Variants in GAREM1 observed in about 807,000 individuals in gnomAD.
GAREM1 encodes GRB2 associated regulator of MAPK1 subtype 1, also known as GRB2-associated and regulator of MAPK protein 1.
GAREM1 carries 26 observed loss-of-function variants against 71.3 expected under a neutral mutation model. That is an observed-to-expected ratio of 0.36 (90% CI 0.27 to 0.51). The LOEUF (loss-of-function observed/expected upper bound fraction) is 0.51, where lower values mean the gene tolerates loss of function less well. Ranked by LOEUF, GAREM1 falls within the 20% of genes least tolerant of loss-of-function variation. The pLI is 0.95. For synonymous variants in GAREM1, 440 were observed against 433.2 expected (o/e 1.02, Z -0.20); for missense variants, 1,026 against 1,103.1 (o/e 0.93, Z 0.99).
At chr18:32,362,744 T>C (rs572320417) in intron 2 of GAREM1, among the ~76,000 whole-genome samples, 12 of 152,326 alleles carry the variant, frequency 7.9e-5, no homozygotes, top group African/African-American at 1.4e-4. Flanking sequence ...TTCAAGATAT[T>C]GTAACTATCA....
intron 1 of GAREM1, among the ~76,000 whole-genome samples, chr18:32,446,563 A>T (rs1381495144): frequency 6.6e-6 from 1 of 152,216 alleles, no homozygotes; most frequent in African/African-American, 2.4e-5. Context: ...TTAATTTCCC[A>T]AGTTCACACA....
At chr18:32,388,272 A>C (rs1321129752) in intron 2 of GAREM1, among the ~76,000 whole-genome samples, 6 of 152,224 alleles carry the variant, frequency 3.9e-5, no homozygotes, top group Non-Finnish European at 1.5e-5. Flanking sequence ...AGAAGAGAAA[A>C]AAATGCTTTT....
chr18:32,306,459 A>C (rs1473116746), intron 3 of GAREM1, among the ~76,000 whole-genome samples: 1 of 140,284 alleles, frequency 7.1e-6, no homozygotes, highest in Non-Finnish European at 1.5e-5. Flanking sequence ...AATGTTTAGC[A>C]GCAACCCCCC....
At chr18:32,452,917 T>C (rs1210792601) in intron 1 of GAREM1, among the ~76,000 whole-genome samples, 5 of 151,160 alleles carry the variant, frequency 3.3e-5, no homozygotes, top group Non-Finnish European at 2.9e-5. Flanking sequence ...TATATAGGTA[T>C]GTATGTGTGT....
chr18:32,446,008 A>C (rs998607334), intron 1 of GAREM1, among the ~76,000 whole-genome samples: 33 of 152,186 alleles, frequency 2.2e-4, no homozygotes, highest in African/African-American at 3.6e-4. Flanking sequence ...ATTTTACATG[A>C]TGCTCTGCCA....
intron 4 of GAREM1, among the ~76,000 whole-genome samples, chr18:32,285,543 C>T (rs953308253): frequency 6.6e-6 from 1 of 152,202 alleles, no homozygotes; most frequent in Admixed American, 6.5e-5. Flanking sequence ...CCGGAATGTC[C>T]TTCTTTCTCA....
rs116329663 is a variant in GAREM1 at position 32,449,574 on chromosome 18, C to A, written c.121+20734G>T. 1.8e-3 allele frequency among the ~76,000 whole-genome samples: 277 copies of A among 152,120 alleles called. 2 individuals are homozygous for A. The highest frequency in any genetic ancestry group is 6.4e-3 in the African/African-American group (267 of 41,502). ...TGGTGCACACCTGTAGTCCCAGCTACATAAGAGGCTGAGGTGGGTGGCTGA... is the reference window on the plus strand; with the variant it reads ...TGGTGCACACCTGTAGTCCCAGCTAAATAAGAGGCTGAGGTGGGTGGCTGA... On this transcript the variant is annotated intron_variant, in intron 1 of 5. Transcript: ENST00000269209.
chr18:32,451,248 T>TCCCCC (rs1164223308), intron 1 of GAREM1, among the ~76,000 whole-genome samples: 29 of 102,436 alleles, frequency 2.8e-4, no homozygotes, highest in African/African-American at 6.5e-4. Context: ...AGAGCCCCCA[T>TCCCCC]CCCCCCACCC....
intron 2 of GAREM1, among the ~76,000 whole-genome samples, chr18:32,355,866 C>G (rs2047800138): frequency 6.6e-6 from 1 of 152,154 alleles, no homozygotes; most frequent in Admixed American, 6.5e-5. Flanking sequence ...TACAGTTGAA[C>G]AGGAAAATTC....
At chr18:32,372,922 C>G (rs934289559) in intron 2 of GAREM1, among the ~76,000 whole-genome samples, 4 of 152,168 alleles carry the variant, frequency 2.6e-5, no homozygotes, top group African/African-American at 9.7e-5. Flanking sequence ...AGCTCCCAGG[C>G]AGCTTCATCT....
intron 4 of GAREM1, among the ~76,000 whole-genome samples, chr18:32,285,804 T>G (rs1429518928): frequency 6.6e-6 from 1 of 152,212 alleles, no homozygotes; most frequent in Admixed American, 6.5e-5. Context: ...GTTTTCTTGA[T>G]GATTGTATTT....
In GAREM1 at chr18:32,268,217, A is replaced by C. The variant is rs2041403506; in HGVS notation, c.2285T>G (p.Leu762Arg). The C allele has an allele frequency of 3.1e-6, 5 of 1,614,008 alleles. No individual in the cohort carries two copies. The highest frequency in any genetic ancestry group is 4.2e-6 in the Non-Finnish European group (5 of 1,180,038). ...TTTAACAAAATACTGGTCCTCCGAG[A>C]GATCTGGTGACCCAGACTTGGGGTC... The part of the protein sequence containing the change: ...EEDPKSGSPD[L>R]SEDQYFVKKG... Residue 762 changes from leucine to arginine, a missense_variant, in exon 6 of 6, where the codon CTC (leucine) becomes CGC (arginine). Leu to Arg is a moderately radical substitution (Grantham distance 102). Coordinates refer to ENST00000269209, the MANE Select transcript of GAREM1 (RefSeq NM_001242409.2).
intron 3 of GAREM1, among the ~76,000 whole-genome samples, chr18:32,302,273 T>C (rs1445694310): frequency 6.6e-6 from 1 of 152,190 alleles, no homozygotes; most frequent in Non-Finnish European, 1.5e-5. Context: ...TCATATTTGC[T>C]AAAAGAAGCA....
At chr18:32,407,234 T>C (rs1599025765) in intron 1 of GAREM1, among the ~76,000 whole-genome samples, 1 of 152,152 alleles carries the variant, frequency 6.6e-6, no homozygotes, top group Admixed American at 6.5e-5. Flanking sequence ...ACAGTGTCAC[T>C]TGAGCTTAGT....
intron 5 of GAREM1, among the ~76,000 whole-genome samples, chr18:32,269,573 A>T (rs1175679217): frequency 6.6e-6 from 1 of 152,206 alleles, no homozygotes; most frequent in Non-Finnish European, 1.5e-5. Flanking sequence ...GTTGACAAAG[A>T]GATATGGGAT....
chr18:32,391,787 T>C (rs2048202487), intron 2 of GAREM1, among the ~76,000 whole-genome samples: 1 of 152,178 alleles, frequency 6.6e-6, no homozygotes, highest in African/African-American at 2.4e-5. Flanking sequence ...GGCTAGGAAA[T>C]ACAATTCTAG....
At chr18:32,412,087 A>C (rs959670422) in intron 1 of GAREM1, 1 of 723,580 alleles carries the variant, frequency 1.4e-6, no homozygotes, top group African/African-American at 1.7e-5. Flanking sequence ...TTTGTCTAAA[A>C]CATGTCTTCT....
At chr18:32,467,995 C>T (rs1365469449) in intron 1 of GAREM1, among the ~76,000 whole-genome samples, 1 of 152,196 alleles carries the variant, frequency 6.6e-6, no homozygotes, top group Admixed American at 6.5e-5. Context: ...ACAACACTTT[C>T]CCCAATCAAA....
chr18:32,439,082 T>C lies in GAREM1; in HGVS notation c.121+31226A>G, dbSNP rs531165578. Among the ~76,000 whole-genome samples the C allele has an allele frequency of 2.0e-5, 3 of 152,282 alleles. No homozygotes were observed. The East Asian group carries it at 5.8e-4, about 29-fold the overall frequency. ...CTAATTGCGAACAGGTGTCACTGCC[T>C]TTATTGAGTCAATACTATTATTTGC... On this transcript the variant is annotated intron_variant, in intron 1 of 5. Coordinates refer to ENST00000269209, the MANE Select transcript of GAREM1 (RefSeq NM_001242409.2).
Sources: gnomAD v4.1 joint callset for allele counts (sites outside exome capture counted in the v4.1 genomes callset) on GRCh38, gnomAD v4.1.1 for gene constraint, MANE v1.5 for transcripts, NCBI Gene and HGNC (gene_info 2026-07-23, HGNC 2026-07-21) for gene names.